SLC10A7: variants seen among roughly 807,000 people sequenced by gnomAD.
The protein encoded by SLC10A7 is solute carrier family 10 member 7, also known as sodium/bile acid cotransporter 7.
Under a neutral mutation model 43.2 loss-of-function variants are expected in SLC10A7, and 29 were observed. That is an observed-to-expected ratio of 0.67 (90% CI 0.50 to 0.92). SLC10A7 has a LOEUF of 0.92. Ranked by LOEUF, SLC10A7 falls within the 40% of genes least tolerant of loss-of-function variation. SLC10A7 has a pLI of 0.00. For missense variants in SLC10A7, 295 were observed against 403.2 expected, an observed-to-expected ratio of 0.73 and a Z score of 2.30; for synonymous variants, 152 against 144.8, an observed-to-expected ratio of 1.05 and a Z score of -0.35.
chr4:146,493,537 T>C (rs1735638499), intron 4 of SLC10A7, among the ~76,000 whole-genome samples: 1 of 152,228 alleles, frequency 6.6e-6, no homozygotes, highest in South Asian at 2.1e-4. Context: ...TGATTGTTTT[T>C]GTGGCTTGTG....
intron 4 of SLC10A7, among the ~76,000 whole-genome samples, chr4:146,458,668 G>A (rs1424446488): frequency 6.6e-6 from 1 of 151,802 alleles, no homozygotes; most frequent in Non-Finnish European, 1.5e-5. Context: ...CCCCACTGCT[G>A]TATCCAATCA....
At chr4:146,435,296 T>C (rs1730124670) in intron 5 of SLC10A7, among the ~76,000 whole-genome samples, 1 of 152,112 alleles carries the variant, frequency 6.6e-6, no homozygotes, top group African/African-American at 2.4e-5. Context: ...AAGGGAAGAT[T>C]CTCTTTGGCT....
intron 6 of SLC10A7, among the ~76,000 whole-genome samples, chr4:146,309,324 C>T (rs767294461): frequency 1.3e-5 from 2 of 152,122 alleles, no homozygotes; most frequent in Non-Finnish European, 2.9e-5. Context: ...CATTTACAGT[C>T]CCATTGCCCA....
At chr4:146,384,195 C>A (rs1737830303) in intron 5 of SLC10A7, among the ~76,000 whole-genome samples, 1 of 151,942 alleles carries the variant, frequency 6.6e-6, no homozygotes, top group African/African-American at 2.4e-5. Flanking sequence ...ATTTCATGCT[C>A]AAAACTGCTA....
intron 9 of SLC10A7, among the ~76,000 whole-genome samples, chr4:146,285,109 C>G (rs1729805054): frequency 6.6e-6 from 1 of 152,086 alleles, no homozygotes; most frequent in Non-Finnish European, 1.5e-5. Flanking sequence ...TGGCAAAGAA[C>G]AGATTCTTCA....
intron 4 of SLC10A7, among the ~76,000 whole-genome samples, chr4:146,491,729 AAGG>A: frequency 7.0e-6 from 1 of 142,500 alleles, no homozygotes; most frequent in Non-Finnish European, 1.6e-5. Flanking sequence ...GGAAGGAAGG[AAGG>A]AAGGAAGGAA....
intron 5 of SLC10A7, among the ~76,000 whole-genome samples, chr4:146,346,385 G>A (rs1159701117): frequency 6.6e-6 from 1 of 152,022 alleles, no homozygotes; most frequent in Admixed American, 6.6e-5. Context: ...GAAGGTATGA[G>A]GGCAGCCCAA....
At chr4:146,322,012 G>T (rs1349686646) in intron 6 of SLC10A7, among the ~76,000 whole-genome samples, 2 of 152,112 alleles carry the variant, frequency 1.3e-5, no homozygotes, top group Admixed American at 1.3e-4. Context: ...ACTCAGAAGG[G>T]AAGCGTTAAA....
intron 4 of SLC10A7, among the ~76,000 whole-genome samples, chr4:146,474,981 T>C (rs1301344138): frequency 6.6e-6 from 1 of 152,162 alleles, no homozygotes; most frequent in Non-Finnish European, 1.5e-5. Flanking sequence ...ACCTTCCTTT[T>C]CCAATGAAAA....
chr4:146,467,014 G>C (rs1355059887), intron 4 of SLC10A7, among the ~76,000 whole-genome samples: 1 of 152,186 alleles, frequency 6.6e-6, no homozygotes, highest in African/African-American at 2.4e-5. Context: ...AGCTTGGATA[G>C]AATGCTTCAA....
chr4:146,385,916 G>A (rs970366198), intron 5 of SLC10A7, among the ~76,000 whole-genome samples: 15 of 152,136 alleles, frequency 9.9e-5, no homozygotes, highest in Non-Finnish European at 1.5e-5. Flanking sequence ...CCATGTTGCT[G>A]CAGAAGTCAT....
intron 4 of SLC10A7, among the ~76,000 whole-genome samples, chr4:146,496,348 G>C (rs1297020879): frequency 6.6e-6 from 1 of 152,124 alleles, no homozygotes; most frequent in African/African-American, 2.4e-5. Context: ...AGCTGACACA[G>C]ACAAGGGGGC....
intron 3 of SLC10A7, among the ~76,000 whole-genome samples, chr4:146,507,452 CAGG>C (rs1201042485): frequency 1.3e-5 from 2 of 152,026 alleles, no homozygotes; most frequent in Non-Finnish European, 2.9e-5. Context: ...CCCAGCTACT[CAGG>C]AGGCTTGAGG....
intron 5 of SLC10A7, among the ~76,000 whole-genome samples, chr4:146,348,184 G>T (rs925069203): frequency 6.6e-6 from 1 of 152,124 alleles, no homozygotes; most frequent in East Asian, 1.9e-4. Flanking sequence ...AAAATGTTCT[G>T]TAATTACCAA....
chr4:146,395,673 T>C (rs201220678), intron 5 of SLC10A7, among the ~76,000 whole-genome samples: 2 of 152,194 alleles, frequency 1.3e-5, no homozygotes, highest in East Asian at 3.8e-4. Flanking sequence ...GACATGCTTT[T>C]TAGTATTAAT....
chr4:146,273,388 GAAA>G (rs1350185991), intron 10 of SLC10A7, among the ~76,000 whole-genome samples: 2 of 152,106 alleles, frequency 1.3e-5, no homozygotes, highest in Admixed American at 1.3e-4. Flanking sequence ...CGTGGGCTTT[GAAA>G]TTAGAGACCT....
chr4:146,283,001 C>T (rs760550284), intron 10 of SLC10A7, among the ~76,000 whole-genome samples, 191 bp downstream of exon 10: 13 of 151,928 alleles, frequency 8.6e-5, no homozygotes, highest in Non-Finnish European at 1.5e-4. Context: ...TAATTTTGGC[C>T]CACAGAGATT....
At chr4:146,360,285 C>T (rs943519004) in intron 5 of SLC10A7, among the ~76,000 whole-genome samples, 1 of 152,168 alleles carries the variant, frequency 6.6e-6, no homozygotes, top group African/African-American at 2.4e-5. Context: ...CTCCAATCCA[C>T]TTTTCCACCT....
At chr4:146,361,784 C>G (rs1304279765) in intron 5 of SLC10A7, among the ~76,000 whole-genome samples, 1 of 152,102 alleles carries the variant, frequency 6.6e-6, no homozygotes, top group Non-Finnish European at 1.5e-5. Flanking sequence ...GATATGTGAC[C>G]TCTCAGACAT....
Sources: allele counts gnomAD v4.1 joint callset (sites outside exome capture counted in the v4.1 genomes callset), GRCh38; gene constraint gnomAD v4.1.1; transcripts MANE v1.5; gene names NCBI Gene and HGNC (gene_info 2026-07-23, HGNC 2026-07-21).